Variants in NFIA observed in about 807,000 individuals in gnomAD.
NFIA encodes nuclear factor I A.
NFIA carries 8 observed loss-of-function variants against 62.8 expected under a neutral mutation model. That is an observed-to-expected ratio of 0.13 (90% CI 0.07 to 0.23). NFIA has a LOEUF of 0.23. NFIA is among the 10% of genes least tolerant of loss of function. The pLI is 1.00. For missense variants in NFIA, 410 were observed against 642.1 expected (o/e 0.64, Z 3.91); for synonymous variants, 235 against 238.1 (o/e 0.99, Z 0.12).
At chr1:61,311,553 G>A (rs867384679) in intron 3 of NFIA, among the ~76,000 whole-genome samples, 3 of 152,150 alleles carry the variant, frequency 2.0e-5, no homozygotes. Context: ...TGCGTTGTAG[G>A]ATGTTAGCAG....
chr1:61,244,794 A>C lies in NFIA; in HGVS notation c.560-32726A>C, dbSNP rs569137330. On this transcript the variant is annotated intron_variant, in intron 2 of 10. Coordinates refer to ENST00000403491, the MANE Select transcript of NFIA (RefSeq NM_001134673.4). ...TATCATCCTCCTCCTTTTAAATGGCATAATAATTTACTTCACATAAATGCG... is the reference window on the plus strand; with the variant it reads ...TATCATCCTCCTCCTTTTAAATGGCCTAATAATTTACTTCACATAAATGCG... Among the ~76,000 whole-genome samples, 135 of 152,192 alleles carry C rather than the reference A, an allele frequency of 8.9e-4. 1 individual carries two copies. Among genetic ancestry groups the C allele is most frequent in the Non-Finnish European group, 1.7e-3 (114 of 68,026 alleles).
intron 5 of NFIA, among the ~76,000 whole-genome samples, chr1:61,356,861 A>G (rs1055122516): frequency 3.3e-5 from 5 of 152,228 alleles, no homozygotes; most frequent in African/African-American, 9.6e-5. Context: ...ATTTCTTGCC[A>G]TAAATTGGCC....
At chr1:61,296,329 A>G (rs1366665972) in intron 3 of NFIA, among the ~76,000 whole-genome samples, 1 of 151,904 alleles carries the variant, frequency 6.6e-6, no homozygotes, top group Non-Finnish European at 1.5e-5. Flanking sequence ...CTTTTTTCTT[A>G]TTTGCATTGA....
At position 61,114,327 on chromosome 1, in the gene NFIA, T is replaced by A. The variant is rs200297072; in HGVS notation, c.559+25647T>A. On this transcript the variant is annotated intron_variant, in intron 2 of 10. Coordinates refer to ENST00000403491, the MANE Select transcript of NFIA (RefSeq NM_001134673.4). ...ATAGCAAGACCCCATCTTAAAAAAA[T>A]TTTTTTTTTTTAGTCAGCCAGGTGT... Among the ~76,000 whole-genome samples, 5 of 148,368 alleles carry A rather than the reference T, an allele frequency of 3.4e-5. No homozygotes were observed. The East Asian group carries it at 5.9e-4, about 17-fold the overall frequency.
At chr1:61,366,986 C>T (rs1203026563) in intron 6 of NFIA, among the ~76,000 whole-genome samples, 2 of 152,114 alleles carry the variant, frequency 1.3e-5, no homozygotes, top group Non-Finnish European at 2.9e-5. Flanking sequence ...GATTAAGAAA[C>T]ACAGTTTTAA....
chr1:61,179,416 ATTTG>A (rs1307067393), intron 2 of NFIA, among the ~76,000 whole-genome samples: 3 of 152,192 alleles, frequency 2.0e-5, no homozygotes, highest in Non-Finnish European at 4.4e-5. Flanking sequence ...GGGCAAGTCA[ATTTG>A]TTCGAGTCTC....
intron 2 of NFIA, among the ~76,000 whole-genome samples, chr1:61,150,534 C>T (rs1423135913): frequency 1.3e-5 from 2 of 152,176 alleles, no homozygotes; most frequent in Non-Finnish European, 2.9e-5. Context: ...TAAATATATA[C>T]TGAGAAGGTA....
intron 3 of NFIA, among the ~76,000 whole-genome samples, chr1:61,285,828 A>T (rs1417092416): frequency 2.0e-5 from 3 of 152,176 alleles, no homozygotes; most frequent in African/African-American, 7.2e-5. Flanking sequence ...ATGTAAGGAT[A>T]TTGTGGCAAG....
chr1:61,093,995 A>T (rs1646368931), intron 2 of NFIA, among the ~76,000 whole-genome samples: 1 of 152,234 alleles, frequency 6.6e-6, no homozygotes, highest in Admixed American at 6.5e-5. Context: ...GCCTGTCGGC[A>T]TTTTAAATCT....
intron 2 of NFIA, among the ~76,000 whole-genome samples, chr1:61,181,159 T>A (rs977105675): frequency 2.0e-5 from 3 of 152,244 alleles, no homozygotes; most frequent in African/African-American, 7.2e-5. Flanking sequence ...TAGCTCTTGT[T>A]GTGCAGATGC....
Position 61,306,269 on chromosome 1 carries a change from C to CTTTTTTTTTTTTTTT in NFIA, c.626-26232_626-26218dup, listed in dbSNP as rs774297484. On this transcript the variant is annotated intron_variant, in intron 3 of 10. Coordinates refer to ENST00000403491, the MANE Select transcript of NFIA (RefSeq NM_001134673.4). ...TCATCCTGGAGACCCAGATTTTGTT[C>CTTTTTTTTTTTTTTT]TTTTTTTTTTTTTTTTTTTTTTTTT... Among the ~76,000 whole-genome samples the CTTTTTTTTTTTTTTT allele has an allele frequency of 1.8e-4, 11 of 60,622 alleles. 2 individuals carry two copies. The highest frequency in any genetic ancestry group is 2.7e-4 in the Admixed American group (1 of 3,700). The allele number at this position is 60,622 out of a possible 152,430, so 39.8% of individuals were successfully genotyped here. A position where few individuals can be genotyped will look rare whatever the true frequency, so the allele number is the denominator to read the frequency against.
intron 2 of NFIA, among the ~76,000 whole-genome samples, chr1:61,177,140 G>A (rs1650433332): frequency 6.6e-6 from 1 of 151,940 alleles, no homozygotes. Context: ...TACTTGTTAT[G>A]TTTCCGTGCT....
chr1:61,148,591 T>G (rs1352662454), intron 2 of NFIA, among the ~76,000 whole-genome samples: 5 of 152,216 alleles, frequency 3.3e-5, no homozygotes, highest in Admixed American at 6.5e-5. Context: ...ATCTGAAGCT[T>G]CTTTTCAGGA....
At chr1:61,126,305 A>G (rs1471034117) in intron 2 of NFIA, among the ~76,000 whole-genome samples, 2 of 152,064 alleles carry the variant, frequency 1.3e-5, no homozygotes, top group African/African-American at 2.4e-5. Context: ...AACATCTCTC[A>G]TTGGTCCTGA....
At chr1:61,425,554 G>A (rs1252750006) in intron 9 of NFIA, among the ~76,000 whole-genome samples, 1 of 152,198 alleles carries the variant, frequency 6.6e-6, no homozygotes, top group Non-Finnish European at 1.5e-5. Flanking sequence ...TTCTAGTACA[G>A]AGGAAGAATG....
intron 2 of NFIA, among the ~76,000 whole-genome samples, chr1:61,139,151 C>T (rs1449004041): frequency 6.6e-6 from 1 of 152,156 alleles, no homozygotes; most frequent in Admixed American, 6.5e-5. Flanking sequence ...GCACTCCAGC[C>T]TGGGCAACAG....
chr1:61,256,760 G>A (rs1234494430), intron 2 of NFIA, among the ~76,000 whole-genome samples: 1 of 152,160 alleles, frequency 6.6e-6, no homozygotes, highest in African/African-American at 2.4e-5. Context: ...CAGGTCTGTA[G>A]TTAGCAAAAT....
chr1:61,280,555 A>G (rs968755193), intron 3 of NFIA, among the ~76,000 whole-genome samples: 12 of 152,230 alleles, frequency 7.9e-5, no homozygotes, highest in African/African-American at 2.7e-4. Context: ...CTAGTAAACC[A>G]TGGAGAATGA....
intron 1 of NFIA, among the ~76,000 whole-genome samples, chr1:61,085,424 G>C (rs919337619): frequency 6.6e-6 from 1 of 152,062 alleles, no homozygotes; most frequent in Admixed American, 6.5e-5. Context: ...TTTGAAACAG[G>C]TTTTCAGGTT....
Sources: gnomAD v4.1 joint callset for allele counts (sites outside exome capture counted in the v4.1 genomes callset) on GRCh38, gnomAD v4.1.1 for gene constraint, MANE v1.5 for transcripts, NCBI Gene and HGNC (gene_info 2026-07-23, HGNC 2026-07-21) for gene names.